The following VPS13C variants were observed in gnomAD, a reference collection of about 807,000 sequenced individuals.
The protein encoded by VPS13C is intermembrane lipid transfer protein VPS13C.
VPS13C carries 358 observed loss-of-function variants against 456.8 expected under a neutral mutation model. That is an observed-to-expected ratio of 0.78 (90% CI 0.72 to 0.86). The LOEUF is 0.86. VPS13C is among the 40% of genes least tolerant of loss of function. The probability of loss-of-function intolerance (pLI) is 0.00; values close to 1 mark genes in which losing one functional copy is unlikely to be tolerated. For missense variants in VPS13C, 4,818 were observed against 4,385.4 expected (o/e 1.10, Z -2.79); for synonymous variants, 1,578 against 1,486.7 (o/e 1.06, Z -1.41).
chr15:62,034,210 A>G (rs567173877), intron 4 of VPS13C, among the ~76,000 whole-genome samples: 3 of 151,822 alleles, frequency 2.0e-5, no homozygotes, highest in Admixed American at 1.3e-4. Flanking sequence ...TGTCACTGTG[A>G]AAACTGTGAA....
chr15:62,052,448 G>C (rs750356311), intron 1 of VPS13C, among the ~76,000 whole-genome samples: 5 of 152,040 alleles, frequency 3.3e-5, no homozygotes, highest in Non-Finnish European at 7.4e-5. Flanking sequence ...GGCTGAGGCA[G>C]GTGGATCACA....
chr15:61,875,872 G>T, intron 75 of VPS13C, 27 bp from the exon 76 acceptor site: 1 of 1,400,212 alleles, frequency 7.1e-7, no homozygotes, highest in East Asian at 2.4e-5. Flanking sequence ...ATTAAATTAA[G>T]TCCTTCACAA....
intron 47 of VPS13C, among the ~76,000 whole-genome samples, chr15:61,939,495 A>C (rs968254040): frequency 9.9e-5 from 15 of 152,186 alleles, no homozygotes; most frequent in African/African-American, 2.7e-4. Context: ...AAATAATCAC[A>C]GGTATGAAAA....
In VPS13C at chr15:61,951,953, C is replaced by T; in HGVS notation, c.4327G>A (p.Glu1443Lys). 1 of 1,612,836 alleles carries T rather than the reference C, an allele frequency of 6.2e-7. No individual in the cohort carries two copies. Among genetic ancestry groups the T allele is most frequent in the Non-Finnish European group, 8.5e-7 (1 of 1,179,558 alleles). The change falls in exon 39 of 85, where the codon GAA becomes AAA. Residue 1443 changes from glutamate to lysine, a missense_variant. By Grantham distance (56) the Glu-to-Lys change is moderately conservative. This residue lies in a region of VPS13C where 4,552 missense variants were observed against 4,130.6 expected (regional missense o/e 1.10). Coordinates refer to ENST00000644861, the MANE Select transcript of VPS13C (RefSeq NM_020821.3). ...EVVVTLMKKS[E>K]KKGRPLHELN... The stretch of plus-strand genomic sequence containing the variant: ...TCATGTAAAGGCCTTCCTTTCTTTT[C>T]TGATTTTTTCATCAAAGTAACCACA...
chr15:61,997,813 C>T (rs961562858), intron 16 of VPS13C, among the ~76,000 whole-genome samples: 2 of 151,906 alleles, frequency 1.3e-5, no homozygotes, highest in Admixed American at 6.6e-5. Context: ...ATTTCAATAG[C>T]CTCCTAACTG....
chr15:61,943,432 G>A (rs1462630349), intron 45 of VPS13C, among the ~76,000 whole-genome samples: 2 of 151,960 alleles, frequency 1.3e-5, no homozygotes, highest in Non-Finnish European at 2.9e-5. Flanking sequence ...ACAGACCAAG[G>A]GAACAGAATT....
Position 61,982,490 on chromosome 15 carries a change from C to T in VPS13C, c.1998G>A (p.Lys666=), listed in dbSNP as rs1325834757. ...CTGTTCTCTCCTTAATTTCTTCCAG[C>T]TTCATCAATGTTGCTGATGTTATTT... The part of the protein sequence containing the change: ...LEQITSATLM[K]LEEIKERTAT... Residue 666 remains lysine (K), a synonymous_variant, in exon 21 of 85, where the codon AAG becomes AAA. Coordinates refer to ENST00000644861, the MANE Select transcript of VPS13C (RefSeq NM_020821.3). The T allele has an allele frequency of 1.2e-6, 2 of 1,608,730 alleles. No individual in the cohort carries two copies. Among genetic ancestry groups the T allele is most frequent in the East Asian group, 2.2e-5 (1 of 44,782 alleles).
At chr15:61,981,571 G>T in intron 21 of VPS13C, 93 bp from the exon 22 acceptor site, 1 of 1,340,334 alleles carries the variant, frequency 7.5e-7, no homozygotes, top group Non-Finnish European at 9.8e-7. Flanking sequence ...TACTTGAAAA[G>T]TATTACAGGT....
At chr15:62,009,979 A>T (rs1459108761) in intron 13 of VPS13C, among the ~76,000 whole-genome samples, 1 of 152,136 alleles carries the variant, frequency 6.6e-6, no homozygotes, top group Non-Finnish European at 1.5e-5. Context: ...TGAGGTCAGG[A>T]GATCGAGACC....
intron 15 of VPS13C, among the ~76,000 whole-genome samples, chr15:62,006,424 G>C (rs1054565773): frequency 6.6e-6 from 1 of 152,026 alleles, no homozygotes; most frequent in Non-Finnish European, 1.5e-5. Flanking sequence ...TCCCTACAAG[G>C]GACATGAACT....
Position 61,867,946 on chromosome 15 carries a change from T to C in VPS13C, c.10863+713A>G. 6.3e-7 allele frequency: 1 copy of C among 1,589,388 alleles called. No homozygotes were observed. The highest frequency in any genetic ancestry group is 1.1e-5 in the South Asian group (1 of 89,926). ...CATTTATTCCTGTATTTCCAGTTCT[T>C]GCTGTGCAGGCAGAAAAACAAAGAA... is the stretch of plus-strand genomic sequence containing the variant. On this transcript the variant is annotated intron_variant, in intron 81 of 84. Transcript: ENST00000644861. The surrounding 1 kb of genome is among the most constrained non-coding windows in gnomAD (Gnocchi z 5.0).
intron 74 of VPS13C, 137 bp from the exon 75 acceptor site, chr15:61,877,191 TTA>T: frequency 1.8e-6 from 1 of 553,130 alleles, no homozygotes; most frequent in Non-Finnish European, 3.1e-6. Context: ...CACATACAAT[TTA>T]TGATTGTCTT....
chr15:61,984,108 ACCAGGACCAT>A, intron 19 of VPS13C, 96 bp from the exon 20 acceptor site: 1 of 1,137,614 alleles, frequency 8.8e-7, no homozygotes, highest in Non-Finnish European at 1.2e-6. Flanking sequence ...GTCTTTGAGA[ACCAGGACCAT>A]CCATGCACAT....
rs763244289 is a variant in VPS13C, at chr15:61,927,214, C to T, written c.6393G>A (p.Ser2131=). The T allele has an allele frequency of 5.6e-6, 9 of 1,614,004 alleles. No individual in the cohort carries two copies. Among genetic ancestry groups the T allele is most frequent in the African/African-American group, 5.3e-5 (4 of 74,896 alleles). The change falls in exon 52 of 85, where the codon TCG becomes TCA. Residue 2131 remains serine, a synonymous_variant. Transcript: ENST00000644861. The part of the protein sequence containing the change: ...TKADAPALTA[S]FQCNLSLSTS... ...TTGACAGAGAAAGGTTGCACTGAAACGAGGCTGTCAGAGCAGGAGCATCAG... is the reference window on the plus strand; with the variant it reads ...TTGACAGAGAAAGGTTGCACTGAAATGAGGCTGTCAGAGCAGGAGCATCAG...
intron 5 of VPS13C, among the ~76,000 whole-genome samples, 177 bp from the exon 6 acceptor site, chr15:62,028,597 C>A (rs1227909352): frequency 6.6e-6 from 1 of 151,904 alleles, no homozygotes; most frequent in Non-Finnish European, 1.5e-5. Flanking sequence ...ACAGTGACAC[C>A]ATTTTCGTTC....
chr15:62,030,118 G>A (rs536194409), intron 5 of VPS13C, among the ~76,000 whole-genome samples: 1 of 152,032 alleles, frequency 6.6e-6, no homozygotes, highest in South Asian at 2.1e-4. Flanking sequence ...GGGTTTACAC[G>A]ATTGGAAAAT....
intron 16 of VPS13C, among the ~76,000 whole-genome samples, chr15:61,996,560 G>C (rs1428455126): frequency 6.6e-6 from 1 of 152,058 alleles, no homozygotes; most frequent in African/African-American, 2.4e-5. Context: ...ATGTCTGATA[G>C]CTGGAACTAT....
intron 26 of VPS13C, among the ~76,000 whole-genome samples, chr15:61,973,188 A>C (rs1180886362): frequency 6.6e-6 from 1 of 152,152 alleles, no homozygotes; most frequent in African/African-American, 2.4e-5. Context: ...TCATGTAGAG[A>C]TTGGGGCCAA....
chr15:62,005,191 G>C (rs949844507), intron 15 of VPS13C, among the ~76,000 whole-genome samples: 4 of 152,210 alleles, frequency 2.6e-5, no homozygotes, highest in Admixed American at 2.0e-4. Flanking sequence ...CTTGCTTTAT[G>C]AATCTGGGTG....
Sources: allele counts gnomAD v4.1 joint callset (sites outside exome capture counted in the v4.1 genomes callset), GRCh38; gene constraint gnomAD v4.1.1; regional missense constraint gnomAD v4.1.1; non-coding constraint Gnocchi (gnomAD v3.1); transcripts MANE v1.5; gene names NCBI Gene and HGNC (gene_info 2026-07-23, HGNC 2026-07-21).